The following DCAF4 variants were observed in gnomAD, a reference collection of about 807,000 sequenced individuals.
DCAF4 encodes the protein DDB1 and CUL4 associated factor 4.
DCAF4 carries 37 observed loss-of-function variants against 60.9 expected under a neutral mutation model. The ratio of observed to expected loss-of-function variants is 0.61; its 90% CI spans 0.47 to 0.80. DCAF4 has a LOEUF of 0.80. Ranked by LOEUF, DCAF4 falls within the 30% of genes least tolerant of loss-of-function variation. The pLI is 0.00. For missense variants in DCAF4, 577 were observed against 650.0 expected (o/e 0.89, Z 1.22); for synonymous variants, 243 against 254.8 (o/e 0.95, Z 0.44).
intron 1 of DCAF4, chr14:72,929,711 G>T: frequency 2.4e-6 from 3 of 1,251,290 alleles, no homozygotes; most frequent in South Asian, 1.2e-5. Context: ...CCCTTTTCTT[G>T]ATGAACTTGA....
intron 13 of DCAF4, chr14:72,957,989 T>C (rs1892517793): frequency 6.5e-6 from 1 of 153,508 alleles, no homozygotes; most frequent in African/African-American, 2.4e-5. Context: ...GTAATGACTT[T>C]GACAGATCTT....
chr14:72,940,304 AAG>A lies in DCAF4; in HGVS notation c.283_284del (p.Ser95HisfsTer29). 6.2e-7 allele frequency: 1 copy of A among 1,614,150 alleles called. No homozygotes were observed. The highest frequency in any genetic ancestry group is 8.5e-7 in the Non-Finnish European group (1 of 1,180,038). ...CATAACAACTGCAACCCCCTGACGA[AAG>A]AGAGCATCCGGCAGAAGGAGATGGA... On this transcript the variant is annotated frameshift_variant, in exon 4 of 14. Coordinates refer to ENST00000358377, the MANE Select transcript of DCAF4 (RefSeq NM_015604.4). LOFTEE classifies it high-confidence loss of function.
chr14:72,928,187 C>CTTTTTTTTTGTTTTT (rs1887908966), intron 1 of DCAF4, among the ~76,000 whole-genome samples: 1 of 67,256 alleles, frequency 1.5e-5, no homozygotes. Context: ...AATCCCCCCA[C>CTTTTTTTTTGTTTTT]TTTTTTTTTT....
chr14:72,961,981 C>T, downstream of DCAF4: 2 of 1,119,442 alleles, frequency 1.8e-6, no homozygotes, highest in Admixed American at 7.5e-5. Flanking sequence ...AGAGGTCACC[C>T]ACTTCCCTCT....
At position 72,951,744 on chromosome 14, in the gene DCAF4, G is replaced by T; in HGVS notation, c.729-54G>T. 3.8e-6 allele frequency: 6 copies of T among 1,562,324 alleles called. No homozygotes were observed. The South Asian group carries it at 6.7e-5, about 17-fold the overall frequency. On this transcript the variant is annotated intron_variant, in intron 8 of 13. Coordinates refer to ENST00000358377, the MANE Select transcript of DCAF4 (RefSeq NM_015604.4). ...GACTTTCTGAAGGGTAAATGTCCAT[G>T]CCTCCTCCCAGAGGGGAGCCTTGTG...
intron 8 of DCAF4, among the ~76,000 whole-genome samples, chr14:72,949,198 C>T (rs186823426): frequency 2.6e-5 from 4 of 152,312 alleles, no homozygotes; most frequent in African/African-American, 4.8e-5. Flanking sequence ...CCGGTAATCT[C>T]AGCATTTTGG....
At chr14:72,956,241 A>G in intron 12 of DCAF4, 145 bp from the exon 13 acceptor site, 1 of 604,472 alleles carries the variant, frequency 1.7e-6, no homozygotes. Context: ...CTTTTGATGA[A>G]CAACAAGGCT....
chr14:72,936,028 C>G (rs1889217666), intron 1 of DCAF4, among the ~76,000 whole-genome samples: 1 of 152,056 alleles, frequency 6.6e-6, no homozygotes, highest in Non-Finnish European at 1.5e-5. Context: ...CTCAAGAGAT[C>G]CTCCCACTTC....
intron 4 of DCAF4, among the ~76,000 whole-genome samples, chr14:72,940,974 G>T (rs201996281): frequency 1.2e-4 from 18 of 151,238 alleles, no homozygotes; most frequent in Admixed American, 8.6e-4. Context: ...GTTTTTTGGG[G>T]TTTTTTTGAG....
intron 1 of DCAF4, among the ~76,000 whole-genome samples, chr14:72,927,407 A>T (rs1454385240): frequency 7.5e-6 from 1 of 133,626 alleles, no homozygotes; most frequent in African/African-American, 2.9e-5. Context: ...GCTGGAGTGC[A>T]GTGGCACGAT....
At chr14:72,959,834 T>G (rs1207545336), downstream of DCAF4, 2 of 222,486 alleles carry the variant, frequency 9.0e-6, no homozygotes, top group African/African-American at 4.7e-5. Context: ...TAGGTCAGGG[T>G]TCCCTGGCTC....
At chr14:72,950,931 G>A (rs1373045509) in intron 8 of DCAF4, among the ~76,000 whole-genome samples, 1 of 152,154 alleles carries the variant, frequency 6.6e-6, no homozygotes, top group Non-Finnish European at 1.5e-5. Flanking sequence ...GAGTAGAGGA[G>A]AAGGGAGAAT....
At chr14:72,951,650 T>C (rs1891431730) in intron 8 of DCAF4, 148 bp from the exon 9 acceptor site, 2 of 661,136 alleles carry the variant, frequency 3.0e-6, no homozygotes, top group Non-Finnish European at 5.3e-6. Flanking sequence ...TGAAGGTAAA[T>C]GTGGGCAGTG....
At chr14:72,944,147 A>G (rs1425591975) in intron 6 of DCAF4, among the ~76,000 whole-genome samples, 1 of 152,134 alleles carries the variant, frequency 6.6e-6, no homozygotes, top group Non-Finnish European at 1.5e-5. Flanking sequence ...AAGCCTGGAC[A>G]TCTCGACCCT....
rs2806034 is a variant in DCAF4, at chr14:72,955,642, T to A, written c.1125T>A (p.Ser375=). The change falls in exon 12 of 14, where the codon TCT becomes TCA. Residue 375 remains serine (S), a synonymous_variant. Transcript: ENST00000358377. ...TRLFHDSAVT[S]VRILQDEQYL... ...TGTTTCATGATTCAGCAGTGACCTC[T>A]GTGCGGATCCTCCAAGATGAGCAAT... is the stretch of plus-strand genomic sequence containing the variant. The A allele has an allele frequency of 1.9e-6, 3 of 1,613,902 alleles. No homozygotes were observed. The highest frequency in any genetic ancestry group is 2.7e-5 in the African/African-American group (2 of 74,904).
intron 6 of DCAF4, among the ~76,000 whole-genome samples, chr14:72,945,214 G>A (rs1032136478): frequency 2.6e-5 from 4 of 152,034 alleles, no homozygotes; most frequent in South Asian, 2.1e-4. Flanking sequence ...ACAACATAGC[G>A]AGACCGTATC....
chr14:72,927,034 G>T (rs1213651832), intron 1 of DCAF4: 1 of 152,398 alleles, frequency 6.6e-6, no homozygotes, highest in African/African-American at 2.4e-5. Flanking sequence ...GTCCTTGTCA[G>T]ACGCAGAAAG....
At chr14:72,949,319 C>T (rs1267706906) in intron 8 of DCAF4, among the ~76,000 whole-genome samples, 1 of 152,120 alleles carries the variant, frequency 6.6e-6, no homozygotes. Context: ...AGCTGAGCAT[C>T]ATGGTGCATG....
chr14:72,945,440 C>T (rs778284999), intron 6 of DCAF4, among the ~76,000 whole-genome samples: 1 of 148,904 alleles, frequency 6.7e-6, no homozygotes, highest in Non-Finnish European at 1.5e-5. Flanking sequence ...TTCTATTGCA[C>T]GTTTTATTCA....
Sources: gnomAD v4.1 joint callset for allele counts (sites outside exome capture counted in the v4.1 genomes callset) on GRCh38, gnomAD v4.1.1 for gene constraint, MANE v1.5 for transcripts, NCBI Gene and HGNC (gene_info 2026-07-23, HGNC 2026-07-21) for gene names.